Variants in CUEDC1 observed in about 807,000 individuals in gnomAD.
CUEDC1 encodes CUE domain containing 1, also known as CUE domain-containing protein 1.
Under a neutral mutation model 43.7 loss-of-function variants are expected in CUEDC1, and 30 were observed. The ratio of observed to expected loss-of-function variants is 0.69; its 90% confidence interval spans 0.51 to 0.93. The LOEUF is 0.93. Ranked by LOEUF, CUEDC1 falls within the 40% of genes least tolerant of loss-of-function variation. The pLI, the probability that CUEDC1 is intolerant of heterozygous loss-of-function variation, is 0.00. For synonymous variants in CUEDC1, 223 were observed against 223.6 expected (o/e 1.00, Z 0.02); for missense variants, 486 against 549.0 (o/e 0.89, Z 1.15).
intron 2 of CUEDC1, among the ~76,000 whole-genome samples, chr17:57,882,872 T>A (rs1201799722): frequency 1.3e-5 from 2 of 152,224 alleles, no homozygotes; most frequent in African/African-American, 4.8e-5. Context: ...GTCGACTGTT[T>A]ATGTTAAGGC....
chr17:57,866,666 A>G, intron 9 of CUEDC1, 122 bp from the exon 10 acceptor site: 5 of 897,336 alleles, frequency 5.6e-6, no homozygotes, highest in Non-Finnish European at 8.8e-6. Flanking sequence ...GGACCCATGC[A>G]GATCCCCCCA....
At chr17:57,881,021 T>C (rs536669671) in intron 2 of CUEDC1, among the ~76,000 whole-genome samples, 1 of 152,330 alleles carries the variant, frequency 6.6e-6, no homozygotes, top group South Asian at 2.1e-4. Context: ...CAGGTGAGTT[T>C]GCAGAAGTCA....
At chr17:57,933,628 G>T (rs770571279) in intron 1 of CUEDC1, among the ~76,000 whole-genome samples, 4 of 152,196 alleles carry the variant, frequency 2.6e-5, no homozygotes, top group Non-Finnish European at 5.9e-5. Flanking sequence ...TGTGGGGAAA[G>T]CTTGCTGAGT....
intron 1 of CUEDC1, among the ~76,000 whole-genome samples, chr17:57,941,491 AC>A (rs750119299): frequency 1.3e-5 from 2 of 152,348 alleles, no homozygotes; most frequent in Non-Finnish European, 2.9e-5. Context: ...TGTGTGACCT[AC>A]AGGAAGAGCA....
chr17:57,882,029 T>C (rs571158948), intron 2 of CUEDC1, among the ~76,000 whole-genome samples: 1 of 152,186 alleles, frequency 6.6e-6, no homozygotes, highest in East Asian at 1.9e-4. Context: ...CTGAAGTTTT[T>C]GGGCTCTGCA....
chr17:57,922,854 T>A (rs938931170), intron 1 of CUEDC1, among the ~76,000 whole-genome samples: 2 of 151,128 alleles, frequency 1.3e-5, no homozygotes, highest in African/African-American at 4.9e-5. Flanking sequence ...CACATTAGAA[T>A]CACCCAGGGA....
chr17:57,928,593 T>C, intron 1 of CUEDC1, among the ~76,000 whole-genome samples: 1 of 147,448 alleles, frequency 6.8e-6, no homozygotes, highest in African/African-American at 2.5e-5. Context: ...GTAACAACCC[T>C]CCGATGCCTT....
chr17:57,901,050 G>C (rs1229669226), intron 1 of CUEDC1, among the ~76,000 whole-genome samples: 1 of 152,134 alleles, frequency 6.6e-6, no homozygotes, highest in African/African-American at 2.4e-5. Flanking sequence ...TTTCTAACAA[G>C]CTCCCTGGGT....
chr17:57,903,681 A>G (rs796403926), intron 1 of CUEDC1, among the ~76,000 whole-genome samples: 27 of 152,154 alleles, frequency 1.8e-4, no homozygotes, highest in African/African-American at 6.3e-4. Context: ...GAAAACCTAT[A>G]TAATCCCAGT....
intron 1 of CUEDC1, among the ~76,000 whole-genome samples, chr17:57,953,750 C>T (rs559437150): frequency 5.9e-5 from 9 of 152,302 alleles, no homozygotes; most frequent in African/African-American, 2.2e-4. Flanking sequence ...TATCAACATC[C>T]CTGGGCCATC....
intron 1 of CUEDC1, among the ~76,000 whole-genome samples, chr17:57,934,758 C>T (rs2143174811): frequency 6.6e-6 from 1 of 152,174 alleles, no homozygotes. Context: ...CCCAGGCTGG[C>T]ATGCAGTGGC....
At chr17:57,907,146 C>T (rs1054883678) in intron 1 of CUEDC1, among the ~76,000 whole-genome samples, 5 of 152,090 alleles carry the variant, frequency 3.3e-5, no homozygotes, top group African/African-American at 2.4e-5. Context: ...CCCCTGTTGA[C>T]GAGGGCTGTT....
chr17:57,861,909 T>C lies in CUEDC1; in HGVS notation c.*1380A>G, dbSNP rs1368005983. On this transcript the variant is annotated 3_prime_UTR_variant, in exon 11 of 11. Transcript: ENST00000577830. ...AGCCAGCGTCCCGGCCCCGCGCGCG[T>C]TTCCAAACTTGGTCACGCTCGGCGG... 6.6e-6 allele frequency: 1 copy of C among 151,204 alleles called. No homozygotes were observed. The highest frequency in any genetic ancestry group is 2.0e-4 in the East Asian group (1 of 5,030). The allele number at this position is 151,204 out of a possible 1,614,324, so 9.4% of individuals were successfully genotyped here. A position where few individuals can be genotyped will look rare whatever the true frequency, so the allele number is the denominator to read the frequency against.
intron 1 of CUEDC1, among the ~76,000 whole-genome samples, chr17:57,932,584 CAAAAAAAAAAAA>C (rs58304648): frequency 6.5e-5 from 3 of 46,492 alleles, no homozygotes; most frequent in African/African-American, 7.9e-5. Flanking sequence ...GACTCTGTCT[CAAAAAAAAAAAA>C]AAAAAAAAAA....
rs2075039009 is a variant in CUEDC1 at position 57,954,664 on chromosome 17, GACCA to G, written c.-316+557_-316+560del. Among the ~76,000 whole-genome samples, 1 of 152,000 alleles carries G rather than the reference GACCA, an allele frequency of 6.6e-6. No homozygotes were observed. The highest frequency in any genetic ancestry group is 1.5e-5 in the Non-Finnish European group (1 of 67,972). ...ATACAGCTCCCAGGGGACCGGGAGGGACCAAAAAAGGCTGAGCCGACCTGTGACA... is the reference window on the plus strand; with the variant it reads ...ATACAGCTCCCAGGGGACCGGGAGGGAAAAAGGCTGAGCCGACCTGTGACA... On this transcript the variant is annotated intron_variant, in intron 1 of 10. Transcript: ENST00000577830. The surrounding 1 kb of genome is among the most constrained non-coding windows in gnomAD (Gnocchi z 4.3).
At chr17:57,953,163 C>A (rs529422158) in intron 1 of CUEDC1, among the ~76,000 whole-genome samples, 2 of 152,322 alleles carry the variant, frequency 1.3e-5, no homozygotes, top group East Asian at 3.9e-4. Context: ...TCCCCAAGAA[C>A]AAGCTGGAGC....
chr17:57,879,822 G>A, intron 2 of CUEDC1, 84 bp from the exon 3 acceptor site: 2 of 1,385,768 alleles, frequency 1.4e-6, no homozygotes, highest in Non-Finnish European at 2.0e-6. Context: ...AGTGTGGGAG[G>A]GCAGGTATAA....
rs894605513 is a variant in CUEDC1 at position 57,922,894 on chromosome 17, T to A, written c.-316+32331A>T. On this transcript the variant is annotated intron_variant, in intron 1 of 10. Transcript: ENST00000577830. Reference sequence around the variant, plus strand: ...CTCCCTCTCTCTTTTTTTTTTTTTTTAAATAGGGTCTTGCTCTGTTGCCCA... The same window carrying A: ...CTCCCTCTCTCTTTTTTTTTTTTTTAAAATAGGGTCTTGCTCTGTTGCCCA... 5.4e-4 allele frequency among the ~76,000 whole-genome samples: 79 copies of A among 146,410 alleles called. 1 individual carries two copies. The East Asian group carries it at 6.4e-3, about 12-fold the overall frequency.
chr17:57,872,782 T>C lies in CUEDC1; in HGVS notation c.665A>G (p.Asp222Gly). ...PPAMAGPGPGDQESRWKQYLE... is the reference protein window; with the variant it reads ...PPAMAGPGPGGQESRWKQYLE... ...GTACTGCTTCCAGCGGCTCTCCTGG[T>C]CTCCGGGCCCTGGCCCAGCCATGGC... Residue 222 changes from aspartate to glycine, a missense_variant, in exon 5 of 11, where the codon GAC becomes GGC. Asp to Gly is a moderately conservative substitution (Grantham distance 94, BLOSUM62 -1). Coordinates refer to ENST00000577830, the MANE Select transcript of CUEDC1 (RefSeq NM_001271875.2). The C allele has an allele frequency of 1.2e-6, 2 of 1,614,138 alleles. No individual in the cohort carries two copies. Among genetic ancestry groups the C allele is most frequent in the Non-Finnish European group, 1.7e-6 (2 of 1,180,034 alleles).
Sources: gnomAD v4.1 joint callset for allele counts (sites outside exome capture counted in the v4.1 genomes callset) on GRCh38, gnomAD v4.1.1 for gene constraint, Gnocchi (gnomAD v3.1) non-coding constraint, MANE v1.5 for transcripts, NCBI Gene and HGNC (gene_info 2026-07-23, HGNC 2026-07-21) for gene names.